Variants in DNAH17 observed in about 807,000 individuals in gnomAD.
The protein encoded by DNAH17 is axonemal beta dynein heavy chain 17.
In DNAH17, 376 loss-of-function variants were observed where a neutral mutation model predicts 485.6. The ratio of observed to expected loss-of-function variants is 0.77; its 90% CI spans 0.71 to 0.84. The LOEUF (loss-of-function observed/expected upper bound fraction) is 0.84. Ranked by LOEUF, DNAH17 falls within the 40% of genes least tolerant of loss-of-function variation. The probability of loss-of-function intolerance (pLI) is 0.00; values close to 1 mark genes in which losing one functional copy is unlikely to be tolerated. For missense variants in DNAH17, 6,370 were observed against 5,839.3 expected (o/e 1.09, Z -2.96); for synonymous variants, 3,031 against 2,405.9 (o/e 1.26, Z -7.60).
In DNAH17 at chr17:78,485,496, C is replaced by T. The variant is rs895751325; in HGVS notation, c.7483+54G>A. On this transcript the variant is annotated intron_variant, in intron 47 of 80. Coordinates refer to ENST00000389840, the MANE Select transcript of DNAH17 (RefSeq NM_173628.4). ...TGCAGTGAGAGGGGACAGGAGGGAA[C>T]GGGGACTGGCGGGGGGCAGCCGGGT... The T allele has an allele frequency of 1.3e-5, 19 of 1,508,116 alleles. 1 individual carries two copies. The highest frequency in any genetic ancestry group is 1.0e-4 in the South Asian group (8 of 79,606). The allele number at this position is 1,508,116 out of a possible 1,614,324, so 93.4% of individuals were successfully genotyped here. A position where few individuals can be genotyped will look rare whatever the true frequency, so the allele number is the denominator to read the frequency against.
chr17:78,544,097 G>A (rs1240882580), intron 16 of DNAH17, 100 bp from the exon 17 acceptor site: 15 of 1,525,290 alleles, frequency 9.8e-6, no homozygotes, highest in South Asian at 3.6e-5. Context: ...CGTCACTGCT[G>A]CCTGATCTTG....
intron 26 of DNAH17, 79 bp downstream of exon 26, chr17:78,514,695 A>G: frequency 1.3e-6 from 2 of 1,528,714 alleles, no homozygotes; most frequent in Non-Finnish European, 8.8e-7. Context: ...CACCTTGGCT[A>G]GGCAGCTCAG....
chr17:78,425,035 G>A (rs1408630907), intron 80 of DNAH17: 4 of 233,308 alleles, frequency 1.7e-5, no homozygotes, highest in South Asian at 8.2e-5. Context: ...GGGAAAGCCT[G>A]GGCTTTTCAG....
intron 25 of DNAH17, among the ~76,000 whole-genome samples, chr17:78,515,475 C>G (rs1478362135): frequency 6.6e-6 from 1 of 152,152 alleles, no homozygotes; most frequent in Admixed American, 6.6e-5. Context: ...TGCCACTGCA[C>G]TTCGGCCTGG....
intron 13 of DNAH17, 103 bp downstream of exon 13, chr17:78,560,637 G>A (rs931764994): frequency 1.8e-5 from 22 of 1,247,028 alleles, no homozygotes; most frequent in African/African-American, 6.0e-5. Context: ...GGCGAACTGT[G>A]ATATAAACAT....
chr17:78,534,447 C>A (rs1167230421), intron 19 of DNAH17, among the ~76,000 whole-genome samples: 1 of 152,204 alleles, frequency 6.6e-6, no homozygotes, highest in Non-Finnish European at 1.5e-5. Flanking sequence ...GGGAGAGAAA[C>A]CTGAAGCTCC....
At position 78,441,147 on chromosome 17, in the gene DNAH17, C is replaced by G; in HGVS notation, c.11581G>C (p.Glu3861Gln). 1 of 1,613,880 alleles carries G rather than the reference C, an allele frequency of 6.2e-7. No individual in the cohort carries two copies. Among genetic ancestry groups the G allele is most frequent in the Non-Finnish European group, 8.5e-7 (1 of 1,179,874 alleles). ...GSKFVEGRSV[E>Q]FSKSYEESSP... ...CTCTCCTCGTAGGACTTAGAAAACTCAACACTCCGGCCTTCCACGAACTTG... is the reference window on the plus strand; with the variant it reads ...CTCTCCTCGTAGGACTTAGAAAACTGAACACTCCGGCCTTCCACGAACTTG... Residue 3861 changes from glutamate (E) to glutamine (Q), a missense_variant, in exon 72 of 81, where the codon GAG (glutamate) becomes CAG (glutamine). By Grantham distance (29) the Glu-to-Gln change is conservative (BLOSUM62 2). Transcript: ENST00000389840.
chr17:78,478,366 C>T (rs548017537), intron 51 of DNAH17, among the ~76,000 whole-genome samples: 2 of 151,254 alleles, frequency 1.3e-5, no homozygotes, highest in Non-Finnish European at 2.9e-5. Context: ...CCATCACCAC[C>T]ACCATCACTG....
At chr17:78,510,756 C>CCCCA in intron 26 of DNAH17, 1 of 423,420 alleles carries the variant, frequency 2.4e-6, no homozygotes, top group Admixed American at 3.4e-5. Context: ...TTGCGGCCCC[C>CCCCA]CCGCAAAATT....
chr17:78,510,503 T>C lies in DNAH17; in HGVS notation c.4117A>G (p.Lys1373Glu), dbSNP rs1186076648. Residue 1373 changes from lysine to glutamate, a missense_variant, in exon 27 of 81, where the codon AAA becomes GAA. Coordinates refer to ENST00000389840, the MANE Select transcript of DNAH17 (RefSeq NM_173628.4). ...WQQLMQATQV[K>E]FKMSEETTLA... Reference sequence around the variant, plus strand: ...GTCGTCTCTTCTGACATTTTAAATTTCACCTAAGGGAAAAAAATCCAGGCA... The same window carrying C: ...GTCGTCTCTTCTGACATTTTAAATTCCACCTAAGGGAAAAAAATCCAGGCA... The C allele has an allele frequency of 6.2e-7, 1 of 1,613,652 alleles. No individual in the cohort carries two copies. The highest frequency in any genetic ancestry group is 1.3e-5 in the African/African-American group (1 of 74,932).
At position 78,475,832 on chromosome 17, in the gene DNAH17, T is replaced by A; in HGVS notation, c.8156A>T (p.Asp2719Val). ...TMASTKKFFDDLGDELLFAKP... is the reference protein window; with the variant it reads ...TMASTKKFFDVLGDELLFAKP... ...GGCAAATAAGAGTTCATCACCAAGA[T>A]CCTAGAAAAAGAAAAAAAAAGACGA... Residue 2719 changes from aspartate to valine, a missense_variant and splice_region_variant, in exon 53 of 81, where the codon GAT becomes GTT. Physicochemically the swap from Asp to Val is radical, Grantham distance 152 (BLOSUM62 -3). Coordinates refer to ENST00000389840, the MANE Select transcript of DNAH17 (RefSeq NM_173628.4). The A allele has an allele frequency of 6.2e-7, 1 of 1,606,028 alleles. No homozygotes were observed. The highest frequency in any genetic ancestry group is 1.1e-5 in the South Asian group (1 of 89,536).
chr17:78,572,482 G>T (rs1284469038), intron 3 of DNAH17, among the ~76,000 whole-genome samples: 1 of 152,074 alleles, frequency 6.6e-6, no homozygotes, highest in African/African-American at 2.4e-5. Context: ...GAGCCCCAGG[G>T]GCTGCAGAGC....
chr17:78,551,738 C>A, intron 15 of DNAH17, 100 bp from the exon 16 acceptor site: 3 of 1,131,408 alleles, frequency 2.7e-6, no homozygotes, highest in Non-Finnish European at 2.6e-6. Context: ...TCAGGGCAGG[C>A]GAATCACGAG....
Position 78,485,980 on chromosome 17 carries a change from C to A in DNAH17, c.7255G>T (p.Asp2419Tyr). The A allele has an allele frequency of 6.2e-7, 1 of 1,612,768 alleles. No individual in the cohort carries two copies. Among genetic ancestry groups the A allele is most frequent in the Non-Finnish European group, 8.5e-7 (1 of 1,179,746 alleles). The change falls in exon 46 of 81, where the codon GAT (aspartate) becomes TAT (tyrosine). Residue 2419 changes from aspartate to tyrosine, a missense_variant. Asp to Tyr is a radical substitution (Grantham distance 160). Transcript: ENST00000389840. ...WTDKVPSFEL[D>Y]PDVPLQASLV... ...GTTACCTGCAGTGGGACATCGGGAT[C>A]CAGCTCAAAGGAGGGCACTTTATCT...
chr17:78,513,392 AG>A (rs2090688917), intron 26 of DNAH17, among the ~76,000 whole-genome samples: 1 of 152,238 alleles, frequency 6.6e-6, no homozygotes, highest in African/African-American at 2.4e-5. Flanking sequence ...TGTCTCTTGT[AG>A]GGGAAATCTG....
At position 78,573,618 on chromosome 17, in the gene DNAH17, G is replaced by T. The variant is rs199847766; in HGVS notation, c.346-724C>A. 2.5e-3 allele frequency among the ~76,000 whole-genome samples: 227 copies of T among 90,238 alleles called. 2 individuals are homozygous for T. Among genetic ancestry groups the T allele is most frequent in the African/African-American group, 8.1e-3 (219 of 26,872 alleles). The allele number at this position is 90,238 out of a possible 152,430, so 59.2% of individuals were successfully genotyped here. On this transcript the variant is annotated intron_variant, in intron 2 of 80. Transcript: ENST00000389840. ...CTGTCAAAAAAAAAAAAAAAGAGGT[G>T]AGTAATTAAAATCAGATTACTAGGG...
chr17:78,473,067 T>C (rs573863436), intron 54 of DNAH17, among the ~76,000 whole-genome samples: 2 of 152,312 alleles, frequency 1.3e-5, no homozygotes, highest in Admixed American at 6.5e-5. Flanking sequence ...ACCTACTTTA[T>C]AATATTACAT....
At chr17:78,491,655 C>T in intron 42 of DNAH17, 85 bp from the exon 43 acceptor site, 1 of 1,513,606 alleles carries the variant, frequency 6.6e-7, no homozygotes, top group Non-Finnish European at 8.9e-7. Flanking sequence ...GCCTCTCTCT[C>T]TGGGAGGGAG....
intron 74 of DNAH17, among the ~76,000 whole-genome samples, chr17:78,434,810 AAC>A (rs1177567168): frequency 2.0e-5 from 3 of 152,158 alleles, no homozygotes; most frequent in African/African-American, 7.2e-5. Context: ...GTGACTCCTG[AAC>A]ACACAGAGGC....
Sources: gnomAD v4.1 joint callset for allele counts (sites outside exome capture counted in the v4.1 genomes callset) on GRCh38, gnomAD v4.1.1 for gene constraint, MANE v1.5 for transcripts, NCBI Gene and HGNC (gene_info 2026-07-23, HGNC 2026-07-21) for gene names.